PRSS3: variants seen among roughly 807,000 people sequenced by gnomAD.
PRSS3 encodes serine protease 3.
Under a neutral mutation model 20.8 loss-of-function variants are expected in PRSS3, and 14 were observed. That is an observed-to-expected ratio of 0.67 (90% CI 0.44 to 1.05). The LOEUF is 1.05. PRSS3 is among the 50% of genes least tolerant of loss of function. The pLI, the probability that PRSS3 is intolerant of heterozygous loss-of-function variation, is 0.00. For synonymous variants in PRSS3, 91 were observed against 117.6 expected, an observed-to-expected ratio of 0.77 and a Z score of 1.46; for missense variants, 237 against 306.4, an observed-to-expected ratio of 0.77 and a Z score of 1.69.
intron 1 of PRSS3, among the ~76,000 whole-genome samples, chr9:33,763,686 G>A (rs182820594): frequency 3.9e-4 from 54 of 136,786 alleles, no homozygotes; most frequent in Middle Eastern, 4.3e-3. Flanking sequence ...GCGAAAGAGC[G>A]AGACTCTGTC....
chr9:33,763,390 T>C (rs1332518052), intron 1 of PRSS3, among the ~76,000 whole-genome samples: 1 of 152,204 alleles, frequency 6.6e-6, no homozygotes, highest in African/African-American at 2.4e-5. Flanking sequence ...GAGAATTACA[T>C]GTGGTTTTGC....
intron 1 of PRSS3, among the ~76,000 whole-genome samples, chr9:33,796,083 G>C (rs1824914303): frequency 1.3e-5 from 2 of 152,152 alleles, no homozygotes. Flanking sequence ...AACGTTTCCA[G>C]GCATGCCGCC....
upstream of PRSS3, among the ~76,000 whole-genome samples, chr9:33,793,917 G>A (rs552846814): frequency 6.6e-6 from 1 of 152,394 alleles, no homozygotes; most frequent in South Asian, 2.1e-4. Context: ...TTGTAAAGCT[G>A]TCAGGCACCA....
At chr9:33,782,950 G>A (rs919127023) in intron 1 of PRSS3, among the ~76,000 whole-genome samples, 11 of 152,130 alleles carry the variant, frequency 7.2e-5, no homozygotes, top group African/African-American at 2.2e-4. Context: ...TCATCATTGC[G>A]AAAACCTGGA....
intron 1 of PRSS3, among the ~76,000 whole-genome samples, chr9:33,779,339 T>C (rs905020721): frequency 6.6e-6 from 1 of 152,194 alleles, no homozygotes; most frequent in Non-Finnish European, 1.5e-5. Context: ...GGAATCCAAG[T>C]AACCCGGTAA....
chr9:33,785,423 C>T (rs1734651), intron 1 of PRSS3, among the ~76,000 whole-genome samples: 2 of 151,598 alleles, frequency 1.3e-5, no homozygotes, highest in Admixed American at 6.6e-5. Context: ...GTGATCCGCC[C>T]GCCTCGGCCT....
intron 1 of PRSS3, among the ~76,000 whole-genome samples, chr9:33,769,586 G>A (rs555385060): frequency 2.0e-5 from 3 of 152,344 alleles, no homozygotes; most frequent in African/African-American, 4.8e-5. Flanking sequence ...CCAGTACAGC[G>A]ATATGGCTAT....
At chr9:33,782,877 A>G (rs1824241426) in intron 1 of PRSS3, among the ~76,000 whole-genome samples, 1 of 152,244 alleles carries the variant, frequency 6.6e-6, no homozygotes, top group South Asian at 2.1e-4. Flanking sequence ...TATTTACTTA[A>G]GAGAAATAAG....
intron 1 of PRSS3, among the ~76,000 whole-genome samples, chr9:33,777,659 G>A (rs1823996944): frequency 6.7e-6 from 1 of 148,288 alleles, no homozygotes; most frequent in African/African-American, 2.5e-5. Context: ...AGTGAGCCGA[G>A]ATCGCGCTAC....
chr9:33,767,385 TC>T (rs1299225294), intron 1 of PRSS3, among the ~76,000 whole-genome samples: 1 of 152,150 alleles, frequency 6.6e-6, no homozygotes, highest in Non-Finnish European at 1.5e-5. Flanking sequence ...GAATTTTGTC[TC>T]CCCCACCTCC....
rs778307881 is a variant in PRSS3 at position 33,797,992 on chromosome 9, C to A, written c.364C>A (p.Arg122Ser). 1.5e-5 allele frequency: 24 copies of A among 1,614,168 alleles called. No individual in the cohort carries two copies. In the South Asian group the frequency reaches 2.6e-4, roughly 18 times the overall value. The change falls in exon 3 of 5, where the codon CGC becomes AGC. Residue 122 changes from arginine to serine, a missense_variant. By Grantham distance (110) the Arg-to-Ser change is moderately radical. Transcript: ENST00000379405. Reference protein sequence around the residue: ...KLSSPAVINARVSTISLPTTP... With the variant: ...KLSSPAVINASVSTISLPTTP... ...CTCCTCACCTGCCGTCATCAATGCC[C>A]GCGTGTCCACCATCTCTCTGCCCAC...
At chr9:33,792,913 C>T (rs1824699384), upstream of PRSS3, among the ~76,000 whole-genome samples, 1 of 152,200 alleles carries the variant, frequency 6.6e-6, no homozygotes, top group Non-Finnish European at 1.5e-5. Context: ...ACAAAGAAAT[C>T]TCTAGTTCAG....
rs1223919618 is a variant in PRSS3 at position 33,779,546 on chromosome 9, A to G, written c.-52-15200A>G. Among the ~76,000 whole-genome samples the G allele has an allele frequency of 2.6e-5, 4 of 152,324 alleles. No individual in the cohort carries two copies. In the South Asian group the frequency reaches 8.3e-4, roughly 32 times the overall value. On this transcript the variant is annotated intron_variant, in intron 1 of 5. Coordinates refer to the PRSS3 transcript ENST00000342836. Reference sequence around the variant, plus strand: ...AGATCAGTTCTTTGAATCAACTTAGATGAAAATTAAGACAAAAGAATTTAA... The same window carrying G: ...AGATCAGTTCTTTGAATCAACTTAGGTGAAAATTAAGACAAAAGAATTTAA...
chr9:33,792,915 C>G (rs1293398314), upstream of PRSS3, among the ~76,000 whole-genome samples: 1 of 149,802 alleles, frequency 6.7e-6, no homozygotes, highest in Non-Finnish European at 1.5e-5. Context: ...AAAGAAATCT[C>G]TAGTTCAGGA....
chr9:33,780,395 C>CA (rs1364197247), intron 1 of PRSS3, among the ~76,000 whole-genome samples: 1 of 152,176 alleles, frequency 6.6e-6, no homozygotes. Flanking sequence ...ACCATCCTTA[C>CA]AAAAGGTCCT....
At position 33,777,604 on chromosome 9, in the gene PRSS3, A is replaced by G. The variant is rs1308463419; in HGVS notation, c.-52-17142A>G. Reference sequence around the variant, plus strand: ...TGTAGTCCCAGCTACTCTACTCGGGAGGCTGAGGCAGGAAAATGGCGTGAA... The same window carrying G: ...TGTAGTCCCAGCTACTCTACTCGGGGGGCTGAGGCAGGAAAATGGCGTGAA... On this transcript the variant is annotated intron_variant, in intron 1 of 5. Transcript: ENST00000342836. Among the ~76,000 whole-genome samples, 3 of 148,418 alleles carry G rather than the reference A, an allele frequency of 2.0e-5. No homozygotes were observed. In the South Asian group the frequency reaches 6.5e-4, roughly 32 times the overall value.
chr9:33,770,043 G>C (rs778643263), intron 1 of PRSS3, among the ~76,000 whole-genome samples: 165 of 152,226 alleles, frequency 1.1e-3, no homozygotes, highest in Non-Finnish European at 2.1e-3. Flanking sequence ...TACTTGGGAG[G>C]CTGAGGCAGG....
chr9:33,754,054 CTCTTCTTTTCTT>C (rs947428005), intron 1 of PRSS3, among the ~76,000 whole-genome samples: 1 of 151,572 alleles, frequency 6.6e-6, no homozygotes, highest in African/African-American at 2.4e-5. Flanking sequence ...TTTCTTTTCT[CTCTTCTTTTCTT>C]TTCTTTTCTC....
At chr9:33,794,820 C>T (rs1008194496), upstream of PRSS3, 6 of 1,550,754 alleles carry the variant, frequency 3.9e-6, no homozygotes, top group Admixed American at 9.8e-5. Context: ...AGTGGCTTCA[C>T]ATTGAAGAAG....
Sources: allele counts gnomAD v4.1 joint callset (sites outside exome capture counted in the v4.1 genomes callset), GRCh38; gene constraint gnomAD v4.1.1; transcripts MANE v1.5; gene names NCBI Gene and HGNC (gene_info 2026-07-23, HGNC 2026-07-21).